The following MEAK7 variants were observed in gnomAD, a reference collection of about 807,000 sequenced individuals.
The protein encoded by MEAK7 is MTOR-associated protein MEAK7.
A neutral mutation model predicts 40.5 loss-of-function variants in MEAK7; 68 were observed. That is an observed-to-expected ratio of 1.68 (90% confidence interval 1.38 to 2.06). The LOEUF (loss-of-function observed/expected upper bound fraction) is 2.06. Ranked by LOEUF, MEAK7 falls within the 30% of genes most tolerant of loss-of-function variation. The pLI, the probability that MEAK7 is intolerant of heterozygous loss-of-function variation, is 0.00. For missense variants in MEAK7, 918 were observed against 580.5 expected (o/e 1.58, Z -5.98); for synonymous variants, 338 against 231.9 (o/e 1.46, Z -4.16).
chr16:84,480,212 C>A (rs560112097), intron 7 of MEAK7, among the ~76,000 whole-genome samples, 186 bp from the exon 8 acceptor site: 2 of 152,164 alleles, frequency 1.3e-5, no homozygotes, highest in Non-Finnish European at 2.9e-5. Context: ...CCAACAGCAA[C>A]TCAGGTGCAG....
At chr16:84,485,382 C>A (rs1469037062) in intron 5 of MEAK7, among the ~76,000 whole-genome samples, 1 of 152,230 alleles carries the variant, frequency 6.6e-6, no homozygotes, top group Admixed American at 6.5e-5. Context: ...CTGGTGACCC[C>A]TGCTACCTAT....
chr16:84,484,220 A>G (rs1419377260), intron 5 of MEAK7, among the ~76,000 whole-genome samples: 2 of 152,226 alleles, frequency 1.3e-5, no homozygotes, highest in Non-Finnish European at 2.9e-5. Context: ...AGGAGGGGGA[A>G]GCATCATTCC....
At chr16:84,481,786 T>C (rs935765371) in intron 6 of MEAK7, among the ~76,000 whole-genome samples, 9 of 151,956 alleles carry the variant, frequency 5.9e-5, no homozygotes, top group African/African-American at 1.2e-4. Context: ...ACAAAAAAAT[T>C]AGCCAGGCGT....
Position 84,495,825 on chromosome 16 carries a change from C to G in MEAK7, c.242G>C (p.Gly81Ala). ...RRVDLTGKAK[G>A]PSENVSQEQF... ...CTCCTGGGACACGTTCTCACTGGGT[C>G]CCTTCGCCTTCCCTGTCAGGTCGAC... Residue 81 changes from glycine to alanine, a missense_variant, in exon 3 of 8, where the codon GGA becomes GCA. Coordinates refer to ENST00000343629, the MANE Select transcript of MEAK7 (RefSeq NM_020947.4). The G allele has an allele frequency of 6.2e-7, 1 of 1,614,098 alleles. No homozygotes were observed. Among genetic ancestry groups the G allele is most frequent in the Non-Finnish European group, 8.5e-7 (1 of 1,180,034 alleles).
intron 6 of MEAK7, among the ~76,000 whole-genome samples, chr16:84,481,410 G>C (rs1005087471): frequency 6.6e-6 from 1 of 152,180 alleles, no homozygotes; most frequent in Non-Finnish European, 1.5e-5. Context: ...GGCCAATGAC[G>C]AGCGATGACC....
chr16:84,497,727 A>G, intron 2 of MEAK7: 2 of 1,373,652 alleles, frequency 1.5e-6, no homozygotes, highest in Non-Finnish European at 1.0e-6. Flanking sequence ...ATTTTCACAC[A>G]GTAACGGCAG....
chr16:84,498,963 A>T (rs1914278606), intron 1 of MEAK7, among the ~76,000 whole-genome samples: 1 of 152,196 alleles, frequency 6.6e-6, no homozygotes, highest in South Asian at 2.1e-4. Flanking sequence ...TTTGTAAAGC[A>T]AGAGGAGTCA....
At chr16:84,490,587 A>G (rs1913498632) in intron 3 of MEAK7, among the ~76,000 whole-genome samples, 1 of 150,884 alleles carries the variant, frequency 6.6e-6, no homozygotes, top group Non-Finnish European at 1.5e-5. Flanking sequence ...TACGGTAGTA[A>G]AAGATTTAAA....
intron 3 of MEAK7, among the ~76,000 whole-genome samples, chr16:84,490,777 C>T (rs551084296): frequency 6.6e-6 from 1 of 151,008 alleles, no homozygotes; most frequent in East Asian, 2.0e-4. Context: ...TCTCAATCAA[C>T]TGAATTTTTT....
intron 6 of MEAK7, among the ~76,000 whole-genome samples, chr16:84,482,119 T>G (rs1263715600): frequency 1.3e-5 from 2 of 151,990 alleles, no homozygotes; most frequent in African/African-American, 4.8e-5. Context: ...TCCCCCTGCT[T>G]CCTGTGCCAT....
At chr16:84,491,557 G>A (rs1411142506) in intron 3 of MEAK7, among the ~76,000 whole-genome samples, 8 of 80,864 alleles carry the variant, frequency 9.9e-5, no homozygotes, top group Middle Eastern at 8.9e-3. Flanking sequence ...AAAAAAAAAC[G>A]TCTGGGCACG....
intron 1 of MEAK7, chr16:84,502,959 C>T (rs952178782): frequency 6.6e-6 from 1 of 152,200 alleles, no homozygotes; most frequent in African/African-American, 2.4e-5. Flanking sequence ...CTGGGCCCAT[C>T]TGTGTACCTC....
chr16:84,494,896 A>G (rs1223925440), intron 3 of MEAK7: 3 of 436,814 alleles, frequency 6.9e-6, no homozygotes, highest in African/African-American at 6.2e-5. Flanking sequence ...AAAAGGAAAA[A>G]TTAAGCTAAA....
intron 3 of MEAK7, 138 bp downstream of exon 3, chr16:84,495,545 T>C (rs528067242): frequency 3.4e-5 from 27 of 783,610 alleles, no homozygotes; most frequent in Middle Eastern, 3.7e-4. Context: ...CTTGGCAAAA[T>C]AAACTCCGAT....
chr16:84,481,760 C>T (rs1428118140), intron 6 of MEAK7, among the ~76,000 whole-genome samples: 2 of 152,100 alleles, frequency 1.3e-5, no homozygotes, highest in East Asian at 1.9e-4. Context: ...GGTGAAACCC[C>T]GTCTCTACTA....
chr16:84,484,348 A>T (rs1487875056), intron 5 of MEAK7, among the ~76,000 whole-genome samples: 5 of 152,308 alleles, frequency 3.3e-5, no homozygotes, highest in African/African-American at 1.2e-4. Context: ...GGCCACCAGC[A>T]CCTGACGCTC....
At chr16:84,496,854 T>C (rs1170080846) in intron 2 of MEAK7, among the ~76,000 whole-genome samples, 1 of 152,130 alleles carries the variant, frequency 6.6e-6, no homozygotes, top group Non-Finnish European at 1.5e-5. Context: ...TTGAACATCA[T>C]CTTCATTCTA....
chr16:84,501,473 G>A (rs935844145), intron 1 of MEAK7, among the ~76,000 whole-genome samples: 4 of 152,150 alleles, frequency 2.6e-5, no homozygotes, highest in Non-Finnish European at 4.4e-5. Flanking sequence ...GCAGGGTGCA[G>A]CCTGGCCAGC....
At chr16:84,499,133 G>A (rs1914291590) in intron 1 of MEAK7, among the ~76,000 whole-genome samples, 1 of 152,194 alleles carries the variant, frequency 6.6e-6, no homozygotes, top group Admixed American at 6.5e-5. Context: ...ACCAAGAGCA[G>A]GTGACCTGGG....
Sources: gnomAD v4.1 joint callset for allele counts (sites outside exome capture counted in the v4.1 genomes callset) on GRCh38, gnomAD v4.1.1 for gene constraint, MANE v1.5 for transcripts, NCBI Gene and HGNC (gene_info 2026-07-23, HGNC 2026-07-21) for gene names.